Variants in PLCH2 observed in about 807,000 individuals in gnomAD.
PLCH2 encodes the protein phospholipase C eta 2.
Under a neutral mutation model 134.7 loss-of-function variants are expected in PLCH2, and 98 were observed. The ratio of observed to expected loss-of-function variants is 0.73; its 90% CI spans 0.62 to 0.86. PLCH2 has a LOEUF of 0.86. Ranked by LOEUF, PLCH2 falls within the 40% of genes least tolerant of loss-of-function variation. The probability of loss-of-function intolerance (pLI) is 0.00; values close to 1 mark genes in which losing one functional copy is unlikely to be tolerated. For missense variants in PLCH2, 1,994 were observed against 1,986.6 expected (o/e 1.00, Z -0.07); for synonymous variants, 974 against 827.5 (o/e 1.18, Z -3.04).
chr1:2,461,219 C>T (rs1640787149), intron 2 of PLCH2, among the ~76,000 whole-genome samples: 1 of 152,302 alleles, frequency 6.6e-6, no homozygotes, highest in Admixed American at 6.5e-5. Context: ...GTAGGTCAGG[C>T]TGTTGCAGGG....
upstream of PLCH2, chr1:2,467,441 C>T (rs546515803): frequency 4.8e-5 from 17 of 353,896 alleles, no homozygotes; most frequent in South Asian, 8.8e-4. Flanking sequence ...GCCTTCCCCT[C>T]GCCTTCCTCA....
chr1:2,482,748 G>A (rs1006307928), intron 4 of PLCH2, among the ~76,000 whole-genome samples: 8 of 152,166 alleles, frequency 5.3e-5, no homozygotes, highest in Non-Finnish European at 8.8e-5. Context: ...ACCCCAGATC[G>A]TGGCCACGGG....
intron 11 of PLCH2, chr1:2,493,596 T>C (rs1179903145): frequency 1.3e-5 from 2 of 152,140 alleles, no homozygotes; most frequent in African/African-American, 4.8e-5. Flanking sequence ...TCCAATCCCA[T>C]CCTGGCTCCC....
intron 1 of PLCH2, among the ~76,000 whole-genome samples, chr1:2,429,541 C>T (rs1329999320): frequency 2.0e-5 from 3 of 152,092 alleles, no homozygotes; most frequent in Non-Finnish European, 4.4e-5. Flanking sequence ...GGACGGAACC[C>T]CTGGGCCAGG....
upstream of PLCH2, among the ~76,000 whole-genome samples, chr1:2,463,386 T>G (rs1460219044): frequency 6.6e-6 from 1 of 152,262 alleles, no homozygotes; most frequent in African/African-American, 2.4e-5. Context: ...GACCTCGCTG[T>G]GTCCCCAGGT....
At position 2,487,212 on chromosome 1, in the gene PLCH2, T is replaced by C. The variant is rs1242853814; in HGVS notation, c.950T>C (p.Phe317Ser). 1.3e-6 allele frequency: 2 copies of C among 1,593,314 alleles called. No individual in the cohort carries two copies. The highest frequency in any genetic ancestry group is 1.7e-6 in the Non-Finnish European group (2 of 1,170,292). Residue 317 changes from phenylalanine (F) to serine (S), a missense_variant, in exon 7 of 22, where the codon TTC becomes TCC. Around this residue, in one of 2 missense-constraint regions of PLCH2, gnomAD observed 1,094 missense variants for 1,234.3 expected, o/e 0.89. Transcript: ENST00000378486. ...NYTRSPAGDIFNPEHHHVHQD... is the reference protein window; with the variant it reads ...NYTRSPAGDISNPEHHHVHQD... ...ACCAGGAGCCCTGCTGGTGACATCT[T>C]CAACCCTGAGCACCACCATGTGCAC...
At chr1:2,455,830 G>A (rs61763911) in intron 2 of PLCH2, among the ~76,000 whole-genome samples, 41,087 of 152,092 alleles carry the variant, frequency 0.27, 6,269 homozygotes, top group Admixed American at 0.37. Context: ...CTCCCCGGCC[G>A]TGCCCCGGTC....
In PLCH2 at chr1:2,505,511, A is replaced by G; in HGVS notation, c.*298A>G. ...AGAAGCAAAACTTATACAACATTAA[A>G]ATGATACCAAGTCCCTTTCCATTTT... On this transcript the variant is annotated 3_prime_UTR_variant, in exon 22 of 22. Coordinates refer to ENST00000378486, the MANE Select transcript of PLCH2 (RefSeq NM_014638.4). The G allele has an allele frequency of 2.2e-6, 1 of 446,314 alleles. No homozygotes were observed. The highest frequency in any genetic ancestry group is 4.0e-6 in the Non-Finnish European group (1 of 251,640). The allele number at this position is 446,314 out of a possible 1,614,324, so 27.6% of individuals were successfully genotyped here.
At chr1:2,472,839 A>G (rs1557986238), upstream of PLCH2, among the ~76,000 whole-genome samples, 1 of 151,938 alleles carries the variant, frequency 6.6e-6, no homozygotes, top group Non-Finnish European at 1.5e-5. Context: ...AGGTTGGTGG[A>G]GGGGCATGTG....
At position 2,498,706 on chromosome 1, in the gene PLCH2, C is replaced by T. The variant is rs373746386; in HGVS notation, c.2350-38C>T. On this transcript the variant is annotated intron_variant, in intron 17 of 21. Transcript: ENST00000378486. The surrounding 1 kb of genome is among the most constrained non-coding windows in gnomAD (Gnocchi z 5.4). ...GGAGTTGGGGGCGGGCCGGGCATCG[C>T]GATGGGCCCTGATGCCACCCCCACT... The T allele has an allele frequency of 1.3e-5, 21 of 1,570,582 alleles. No homozygotes were observed. The highest frequency in any genetic ancestry group is 3.6e-5 in the Admixed American group (2 of 55,724).
intron 1 of PLCH2, among the ~76,000 whole-genome samples, chr1:2,428,320 T>A (rs547825218): frequency 1.1e-4 from 16 of 152,252 alleles, no homozygotes; most frequent in Non-Finnish European, 1.9e-4. Context: ...GATGGCCCCA[T>A]GACAAGACCA....
In PLCH2 at chr1:2,455,008, C is replaced by T. The variant is rs80171177; in HGVS notation, c.116-23468C>T. 8.8e-3 allele frequency among the ~76,000 whole-genome samples: 1,347 copies of T among 152,266 alleles called. 16 individuals are homozygous for T. Among genetic ancestry groups the T allele is most frequent in the African/African-American group, 0.031 (1,275 of 41,546 alleles). On this transcript the variant is annotated intron_variant, in intron 2 of 3. Coordinates refer to the PLCH2 transcript ENST00000609981. ...CTCGGCCCCCCATGTGGCCTGAGCA[C>T]ATGCGCCCAGCTGTGCTCTGACCCC...
intron 2 of PLCH2, among the ~76,000 whole-genome samples, chr1:2,458,822 G>A (rs1557968509): frequency 6.6e-6 from 1 of 152,214 alleles, no homozygotes; most frequent in Admixed American, 6.5e-5. Context: ...GTACTCCCGA[G>A]TCTCACTGGC....
Position 2,489,201 on chromosome 1 carries a change from C to A in PLCH2, c.1236-6C>A. 1 of 1,612,740 alleles carries A rather than the reference C, an allele frequency of 6.2e-7. No homozygotes were observed. Among genetic ancestry groups the A allele is most frequent in the Non-Finnish European group, 8.5e-7 (1 of 1,179,128 alleles). On this transcript the variant is annotated splice_region_variant and splice_polypyrimidine_tract_variant and intron_variant, in intron 8 of 21. Coordinates refer to ENST00000378486, the MANE Select transcript of PLCH2 (RefSeq NM_014638.4). ...TCATCCTGCTCTTTCTGCCTTGGGGCCACAGGTACCCAGTGATCCTGTCCA... is the reference window on the plus strand; with the variant it reads ...TCATCCTGCTCTTTCTGCCTTGGGGACACAGGTACCCAGTGATCCTGTCCA...
At position 2,497,576 on chromosome 1, in the gene PLCH2, G is replaced by A. The variant is rs776453044; in HGVS notation, c.2191G>A (p.Gly731Ser). ...CAAGTTCAGCGCCAACGGTGGCTGC[G>A]GCTACGTACTCAAGCCTGGGTGCAT... is the stretch of plus-strand genomic sequence containing the variant. The part of the protein sequence containing the change: ...RAKFSANGGC[G>S]YVLKPGCMCQ... Residue 731 changes from glycine (G) to serine (S), a missense_variant, in exon 16 of 22, where the codon GGC (glycine) becomes AGC (serine). Gly to Ser is a moderately conservative substitution (Grantham distance 56). Around this residue, in one of 2 missense-constraint regions of PLCH2, gnomAD observed 1,094 missense variants for 1,234.3 expected, o/e 0.89. Coordinates refer to ENST00000378486, the MANE Select transcript of PLCH2 (RefSeq NM_014638.4). The A allele has an allele frequency of 1.4e-5, 22 of 1,562,888 alleles. No homozygotes were observed. Among genetic ancestry groups the A allele is most frequent in the East Asian group, 2.4e-5 (1 of 41,736 alleles).
chr1:2,479,239 C>G (rs890859252), intron 2 of PLCH2: 1 of 166,572 alleles, frequency 6.0e-6, no homozygotes, highest in South Asian at 1.6e-4. Context: ...AGTTGCCAAG[C>G]GTGTAGCCAC....
At chr1:2,446,155 G>T (rs1639934110) in intron 2 of PLCH2, among the ~76,000 whole-genome samples, 1 of 152,244 alleles carries the variant, frequency 6.6e-6, no homozygotes, top group Non-Finnish European at 1.5e-5. Context: ...CTGGCTGCCA[G>T]GAAGGGGTGG....
chr1:2,455,695 G>C (rs76122157), intron 2 of PLCH2, among the ~76,000 whole-genome samples: 5,135 of 152,288 alleles, frequency 0.034, 145 homozygotes, highest in Non-Finnish European at 0.051. Flanking sequence ...CAGGGCCTTT[G>C]CTGCAGATGG....
At chr1:2,492,745 T>G (rs532980064) in intron 11 of PLCH2, 1 of 151,536 alleles carries the variant, frequency 6.6e-6, no homozygotes, top group South Asian at 2.1e-4. Context: ...GCACTGGGGG[T>G]CGTGGGGATG....
Sources: gnomAD v4.1 joint callset for allele counts (sites outside exome capture counted in the v4.1 genomes callset) on GRCh38, gnomAD v4.1.1 for gene constraint, gnomAD v4.1.1 regional missense constraint, Gnocchi (gnomAD v3.1) non-coding constraint, MANE v1.5 for transcripts, NCBI Gene and HGNC (gene_info 2026-07-23, HGNC 2026-07-21) for gene names.